The following CNTNAP5 variants were observed in gnomAD, a reference collection of about 807,000 sequenced individuals.
CNTNAP5 encodes the protein contactin-associated protein-like 5.
CNTNAP5 carries 72 observed loss-of-function variants against 150.2 expected under a neutral mutation model. The ratio of observed to expected loss-of-function variants is 0.48; its 90% CI spans 0.40 to 0.58. CNTNAP5 has a LOEUF of 0.58. Ranked by LOEUF, CNTNAP5 falls within the 20% of genes least tolerant of loss-of-function variation. CNTNAP5 has a pLI of 0.00. For missense variants in CNTNAP5, 1,636 were observed against 1,626.2 expected (o/e 1.01, Z -0.10); for synonymous variants, 672 against 619.8 (o/e 1.08, Z -1.25).
chr2:124,186,633 AG>A (rs1685338985), intron 1 of CNTNAP5, among the ~76,000 whole-genome samples: 1 of 152,158 alleles, frequency 6.6e-6, no homozygotes, highest in Admixed American at 6.5e-5. Context: ...TTCCAACCTG[AG>A]GGCGGAGATG....
Position 124,164,133 on chromosome 2 carries a change from C to T in CNTNAP5, c.83-57572C>T, listed in dbSNP as rs143751307. On this transcript the variant is annotated intron_variant, in intron 1 of 23. Coordinates refer to ENST00000682447, the MANE Select transcript of CNTNAP5 (RefSeq NM_001367498.1). ...TACATGCACTTTTGAAGTCTTTCAGCCATTCATTCAAAGAGGTGTGTTCAG... is the reference window on the plus strand; with the variant it reads ...TACATGCACTTTTGAAGTCTTTCAGTCATTCATTCAAAGAGGTGTGTTCAG... Among the ~76,000 whole-genome samples, 853 of 152,314 alleles carry T rather than the reference C, an allele frequency of 5.6e-3. 9 individuals carry two copies. Among genetic ancestry groups the T allele is most frequent in the African/African-American group, 0.019 (781 of 41,578 alleles).
At chr2:124,507,523 C>G (rs1573421633) in intron 8 of CNTNAP5, among the ~76,000 whole-genome samples, 2 of 152,088 alleles carry the variant, frequency 1.3e-5, no homozygotes, top group African/African-American at 2.4e-5. Flanking sequence ...GATGGCAAGA[C>G]AGGTAATTGA....
chr2:124,736,157 G>A (rs1402481249), intron 13 of CNTNAP5, among the ~76,000 whole-genome samples: 2 of 152,140 alleles, frequency 1.3e-5, no homozygotes, highest in African/African-American at 4.8e-5. Context: ...TAGAACCAGG[G>A]AGGTGGAGGT....
At chr2:124,419,003 G>A (rs1454072044) in intron 4 of CNTNAP5, among the ~76,000 whole-genome samples, 1 of 148,834 alleles carries the variant, frequency 6.7e-6, no homozygotes, top group African/African-American at 2.5e-5. Context: ...GCGCGGTGGC[G>A]GGCGCCTGTA....
chr2:124,772,492 G>A (rs187924922), intron 16 of CNTNAP5, among the ~76,000 whole-genome samples: 22 of 152,218 alleles, frequency 1.4e-4, no homozygotes, highest in African/African-American at 5.1e-4. Context: ...CACAGCTGAA[G>A]CCACAATAGA....
intron 3 of CNTNAP5, among the ~76,000 whole-genome samples, chr2:124,384,688 C>T (rs541531806): frequency 1.3e-5 from 2 of 152,312 alleles, no homozygotes; most frequent in African/African-American, 2.4e-5. Flanking sequence ...AATCTGTATC[C>T]TTCCTCTGAG....
chr2:124,517,079 G>A (rs79013951), intron 8 of CNTNAP5, among the ~76,000 whole-genome samples: 3,634 of 152,200 alleles, frequency 0.024, 89 homozygotes, highest in African/African-American at 0.056. Context: ...TGTGCTGTTG[G>A]TAATGGAAGG....
chr2:124,836,704 C>T lies in CNTNAP5; in HGVS notation c.3218-28602C>T, dbSNP rs1172975701. Among the ~76,000 whole-genome samples, 3 of 152,158 alleles carry T rather than the reference C, an allele frequency of 2.0e-5. No individual in the cohort carries two copies. In the East Asian group the frequency reaches 5.8e-4, roughly 29 times the overall value. On this transcript the variant is annotated intron_variant, in intron 19 of 23. Transcript: ENST00000682447. ...CTTGAGTGTTCTGCTGATGAATTCT[C>T]ACTACATCCATGGGTAATATGCCCC...
chr2:124,897,144 T>G (rs2104754239), intron 21 of CNTNAP5, among the ~76,000 whole-genome samples: 1 of 151,644 alleles, frequency 6.6e-6, no homozygotes, highest in African/African-American at 2.4e-5. Flanking sequence ...AATTGCAGGT[T>G]TTTGCACACA....
intron 3 of CNTNAP5, among the ~76,000 whole-genome samples, chr2:124,309,423 A>G (rs57425722): frequency 0.19 from 29,256 of 152,278 alleles, 2,933 homozygotes; most frequent in African/African-American, 0.23. Context: ...GAGGCATGTC[A>G]GGAGTGAGAT....
intron 19 of CNTNAP5, among the ~76,000 whole-genome samples, chr2:124,843,765 G>A (rs1340801136): frequency 6.6e-6 from 1 of 151,990 alleles, no homozygotes; most frequent in African/African-American, 2.4e-5. Context: ...TAGTTATGTT[G>A]AGTAGTTTTC....
chr2:124,255,123 T>G (rs1235683696), intron 3 of CNTNAP5, among the ~76,000 whole-genome samples: 1 of 152,166 alleles, frequency 6.6e-6, no homozygotes, highest in Non-Finnish European at 1.5e-5. Flanking sequence ...TGTGGTGGCA[T>G]GCACCTGTAA....
At chr2:124,654,578 G>A (rs893021384) in intron 13 of CNTNAP5, among the ~76,000 whole-genome samples, 10 of 152,056 alleles carry the variant, frequency 6.6e-5, no homozygotes, top group East Asian at 5.8e-4. Flanking sequence ...ACTGAGCTGC[G>A]ATTGCTTTGG....
chr2:124,492,421 G>A (rs971683788), intron 7 of CNTNAP5, among the ~76,000 whole-genome samples: 16 of 152,058 alleles, frequency 1.1e-4, no homozygotes, highest in African/African-American at 3.9e-4. Flanking sequence ...TGAGTTCTTT[G>A]TTCTGTTGAT....
chr2:124,374,681 A>C (rs2104730813), intron 3 of CNTNAP5, among the ~76,000 whole-genome samples: 1 of 152,274 alleles, frequency 6.6e-6, no homozygotes, highest in African/African-American at 2.4e-5. Flanking sequence ...ATGTCACATA[A>C]GTCAGACCAA....
chr2:124,722,766 G>T (rs79480985), intron 13 of CNTNAP5, among the ~76,000 whole-genome samples: 10 of 152,152 alleles, frequency 6.6e-5, no homozygotes, highest in Non-Finnish European at 1.0e-4. Context: ...GACAGTGGCC[G>T]CAGTGACAGC....
intron 4 of CNTNAP5, among the ~76,000 whole-genome samples, chr2:124,419,238 T>A (rs1692019463): frequency 6.6e-6 from 1 of 151,440 alleles, no homozygotes; most frequent in Admixed American, 6.6e-5. Flanking sequence ...GATCTAAGAA[T>A]CTTATTACTC....
chr2:124,774,323 C>T lies in CNTNAP5; in HGVS notation c.2752+1306C>T, dbSNP rs76904082. On this transcript the variant is annotated intron_variant, in intron 17 of 23. Transcript: ENST00000682447. Reference sequence around the variant, plus strand: ...TGCTTCCTTTAAATTTAGGTTTGTGCAACTTTTAGCTCTGAGGAAAGCAGT... The same window carrying T: ...TGCTTCCTTTAAATTTAGGTTTGTGTAACTTTTAGCTCTGAGGAAAGCAGT... Among the ~76,000 whole-genome samples, 849 of 152,040 alleles carry T rather than the reference C, an allele frequency of 5.6e-3. 4 individuals carry two copies. The highest frequency in any genetic ancestry group is 0.019 in the African/African-American group (769 of 41,486).
intron 4 of CNTNAP5, among the ~76,000 whole-genome samples, chr2:124,431,508 G>GGTAT (rs1553467712): frequency 0.023 from 2,573 of 114,246 alleles, 90 homozygotes; most frequent in African/African-American, 0.06. Flanking sequence ...AAGTGTCAAA[G>GGTAT]ATATATATAT....
Sources: gnomAD v4.1 joint callset for allele counts (sites outside exome capture counted in the v4.1 genomes callset) on GRCh38, gnomAD v4.1.1 for gene constraint, MANE v1.5 for transcripts, NCBI Gene and HGNC (gene_info 2026-07-23, HGNC 2026-07-21) for gene names.